SLC5A1: variants seen among roughly 807,000 people sequenced by gnomAD.
The protein encoded by SLC5A1 is sodium/glucose cotransporter 1.
Under a neutral mutation model 73.5 loss-of-function variants are expected in SLC5A1, and 42 were observed. The observed-to-expected ratio is 0.57, with a 90% CI of 0.45 to 0.74. The LOEUF (loss-of-function observed/expected upper bound fraction) is 0.74. Among genes scored for constraint, SLC5A1 ranks in the 30% least tolerant of loss-of-function variants. The probability of loss-of-function intolerance (pLI) is 0.00; values close to 1 mark genes in which losing one functional copy is unlikely to be tolerated. For synonymous variants in SLC5A1, 300 were observed against 317.4 expected, an observed-to-expected ratio of 0.95 and a Z score of 0.58; for missense variants, 634 against 855.4, an observed-to-expected ratio of 0.74 and a Z score of 3.23.
intron 3 of SLC5A1, 89 bp downstream of exon 3, chr22:32,067,128 G>A (rs1412457092): frequency 1.8e-6 from 2 of 1,110,274 alleles, no homozygotes; most frequent in Admixed American, 3.6e-5. Context: ...AGCTGAAGAT[G>A]TTAGGGAACC....
At chr22:32,099,157 C>G (rs200241688) in intron 11 of SLC5A1, 26 bp from the exon 12 acceptor site, 1 of 1,503,816 alleles carries the variant, frequency 6.6e-7, no homozygotes, top group South Asian at 1.1e-5. Context: ...TTTATTGACA[C>G]CTTGTTGTGG....
intron 2 of SLC5A1, among the ~76,000 whole-genome samples, chr22:32,058,093 T>C (rs117246042): frequency 0.045 from 6,830 of 152,294 alleles, 210 homozygotes; most frequent in Non-Finnish European, 0.07. Context: ...GATATATATA[T>C]GTATACACAG....
chr22:32,098,599 G>A (rs2094030139), intron 11 of SLC5A1, among the ~76,000 whole-genome samples: 1 of 152,072 alleles, frequency 6.6e-6, no homozygotes, highest in South Asian at 2.1e-4. Flanking sequence ...GTGGTGAGTG[G>A]GCCTAGGCTA....
intron 2 of SLC5A1, among the ~76,000 whole-genome samples, chr22:32,056,855 T>G (rs147766086): frequency 5.3e-5 from 8 of 152,356 alleles, no homozygotes; most frequent in African/African-American, 1.9e-4. Flanking sequence ...TGACTCTGTT[T>G]CTTTCAGGAA....
intron 4 of SLC5A1, among the ~76,000 whole-genome samples, 188 bp downstream of exon 4, chr22:32,068,214 C>G (rs1314549765): frequency 1.3e-5 from 2 of 152,140 alleles, no homozygotes; most frequent in Non-Finnish European, 2.9e-5. Flanking sequence ...CCTCCTCCTC[C>G]AGGGCAAGGG....
At chr22:32,077,031 G>A (rs1298899450) in intron 5 of SLC5A1, among the ~76,000 whole-genome samples, 1 of 152,214 alleles carries the variant, frequency 6.6e-6, no homozygotes, top group African/African-American at 2.4e-5. Context: ...TTTAACAACA[G>A]AGTGTGACAG....
At chr22:32,066,180 C>A (rs734092) in intron 2 of SLC5A1, among the ~76,000 whole-genome samples, 1 of 152,262 alleles carries the variant, frequency 6.6e-6, no homozygotes, top group African/African-American at 2.4e-5. Flanking sequence ...CAGTCTTCCA[C>A]TCTTGGGTAT....
At chr22:32,046,731 T>G (rs1173528896) in intron 1 of SLC5A1, among the ~76,000 whole-genome samples, 1 of 152,238 alleles carries the variant, frequency 6.6e-6, no homozygotes, top group African/African-American at 2.4e-5. Flanking sequence ...GTTCTTCCTT[T>G]CTGCTCAATG....
intron 1 of SLC5A1, among the ~76,000 whole-genome samples, chr22:32,046,483 T>A (rs2093937361): frequency 6.6e-6 from 1 of 152,186 alleles, no homozygotes; most frequent in Admixed American, 6.5e-5. Context: ...CCAAGTGGCT[T>A]TATTTCAATC....
At chr22:32,083,554 T>C (rs1467136427) in intron 7 of SLC5A1, among the ~76,000 whole-genome samples, 1 of 152,238 alleles carries the variant, frequency 6.6e-6, no homozygotes, top group African/African-American at 2.4e-5. Context: ...TACATTTTGA[T>C]GTCAAATATC....
intron 11 of SLC5A1, among the ~76,000 whole-genome samples, chr22:32,095,755 G>C (rs898776992): frequency 6.6e-6 from 1 of 152,138 alleles, no homozygotes; most frequent in Non-Finnish European, 1.5e-5. Flanking sequence ...TATGTGTTAG[G>C]TGAGTTTCTT....
At chr22:32,077,032 AGT>A (rs2093992059) in intron 5 of SLC5A1, among the ~76,000 whole-genome samples, 2 of 152,224 alleles carry the variant, frequency 1.3e-5, no homozygotes, top group Non-Finnish European at 2.9e-5. Context: ...TTAACAACAG[AGT>A]GTGACAGAGA....
At chr22:32,055,579 C>T (rs981289473) in intron 2 of SLC5A1, among the ~76,000 whole-genome samples, 1 of 152,128 alleles carries the variant, frequency 6.6e-6, no homozygotes, top group Non-Finnish European at 1.5e-5. Context: ...CCCCACTGTG[C>T]CCCTTCAGGG....
intron 14 of SLC5A1, among the ~76,000 whole-genome samples, chr22:32,106,541 G>A (rs2094046134): frequency 6.6e-6 from 1 of 152,166 alleles, no homozygotes; most frequent in Non-Finnish European, 1.5e-5. Context: ...TGAACTGAGG[G>A]CAGATGGAAC....
At chr22:32,046,059 AC>A (rs978665505) in intron 1 of SLC5A1, among the ~76,000 whole-genome samples, 21 of 152,220 alleles carry the variant, frequency 1.4e-4, no homozygotes, top group African/African-American at 5.1e-4. Flanking sequence ...AAATTTACTG[AC>A]CCCTGTCTTA....
chr22:32,107,937 CCAT>C (rs765029618), intron 14 of SLC5A1, among the ~76,000 whole-genome samples: 31 of 152,236 alleles, frequency 2.0e-4, no homozygotes, highest in Middle Eastern at 3.4e-3. Context: ...ACCACCACCA[CCAT>C]CATCGATAAT....
chr22:32,066,243 G>A (rs934717723), intron 2 of SLC5A1, among the ~76,000 whole-genome samples: 2 of 152,094 alleles, frequency 1.3e-5, no homozygotes, highest in Non-Finnish European at 1.5e-5. Flanking sequence ...AGACATGTGC[G>A]TATCCTTGAA....
chr22:32,105,004 C>T (rs144954027), intron 14 of SLC5A1, 113 bp downstream of exon 14: 3 of 801,164 alleles, frequency 3.7e-6, no homozygotes, highest in African/African-American at 3.4e-5. Flanking sequence ...GTCTCCCCTC[C>T]AGGGCAGTGA....
chr22:32,055,668 A>C (rs2093950693), intron 2 of SLC5A1, among the ~76,000 whole-genome samples: 1 of 152,336 alleles, frequency 6.6e-6, no homozygotes, highest in Non-Finnish European at 1.5e-5. Context: ...CTGGGACTTC[A>C]GTCACCTTTG....
Sources: allele counts gnomAD v4.1 joint callset (sites outside exome capture counted in the v4.1 genomes callset), GRCh38; gene constraint gnomAD v4.1.1; transcripts MANE v1.5; gene names NCBI Gene and HGNC (gene_info 2026-07-23, HGNC 2026-07-21).